IGSF9B: variants seen among roughly 807,000 people sequenced by gnomAD.
IGSF9B encodes the protein protein turtle homolog B.
Under a neutral mutation model 143.7 loss-of-function variants are expected in IGSF9B, and 48 were observed. That is an observed-to-expected ratio of 0.33 (90% CI 0.26 to 0.42). The LOEUF (loss-of-function observed/expected upper bound fraction) is 0.42, where lower values mean the gene tolerates loss of function less well. Among genes scored for constraint, IGSF9B ranks in the 20% least tolerant of loss-of-function variants. IGSF9B has a pLI of 1.00. For missense variants in IGSF9B, 1,706 were observed against 1,980.0 expected (o/e 0.86, Z 2.63); for synonymous variants, 903 against 833.1 (o/e 1.08, Z -1.44).
At position 133,931,500 on chromosome 11, in the gene IGSF9B, G is replaced by C; in HGVS notation, c.1321C>G (p.Pro441Ala). 1 of 1,613,266 alleles carries C rather than the reference G, an allele frequency of 6.2e-7. No homozygotes were observed. Among genetic ancestry groups the C allele is most frequent in the Non-Finnish European group, 8.5e-7 (1 of 1,179,834 alleles). ...AAGGGGTCCCCTGCGGCAGCACAGGGGATAAGTAGCTCCCGGCCGGCCTCC... is the reference window on the plus strand; with the variant it reads ...AAGGGGTCCCCTGCGGCAGCACAGGCGATAAGTAGCTCCCGGCCGGCCTCC... ...RQEAGRELLI[P>A]CAAAGDPFPV... is the part of the protein sequence containing the mutation. The change falls in exon 10 of 20, where the codon CCC becomes GCC. Residue 441 changes from proline (P) to alanine (A), a missense_variant. This residue lies in a region of IGSF9B where 238 missense variants were observed against 452.6 expected (regional missense o/e 0.53). Transcript: ENST00000533871. This position sits in a 1 kb window ranked among gnomAD's most constrained non-coding sequence, Gnocchi z 7.7.
intron 1 of IGSF9B, among the ~76,000 whole-genome samples, chr11:133,954,924 C>T (rs965824789): frequency 2.6e-5 from 4 of 152,328 alleles, no homozygotes; most frequent in Admixed American, 2.6e-4. Flanking sequence ...GAAGCCCTTC[C>T]TTCTATCTTG....
chr11:133,936,235 G>T, intron 5 of IGSF9B, 41 bp from the exon 6 acceptor site: 1 of 1,583,136 alleles, frequency 6.3e-7, no homozygotes, highest in Non-Finnish European at 8.6e-7. Context: ...GCCTGATCAG[G>T]GACGGCAGCA....
chr11:133,924,794 G>A (rs1449893360), intron 15 of IGSF9B, 26 bp downstream of exon 15: 2 of 1,594,546 alleles, frequency 1.3e-6, no homozygotes, highest in Non-Finnish European at 1.7e-6. Flanking sequence ...CCCTATAGTT[G>A]CAAGAGCACC....
At position 133,921,374 on chromosome 11, in the gene IGSF9B, G is replaced by A; in HGVS notation, c.2351C>T (p.Pro784Leu). 5 of 1,537,262 alleles carry A rather than the reference G, an allele frequency of 3.3e-6. No homozygotes were observed. Among genetic ancestry groups the A allele is most frequent in the African/African-American group, 2.7e-5 (2 of 72,974 alleles). The change falls in exon 18 of 20, where the codon CCC becomes CTC. Residue 784 changes from proline to leucine, a missense_variant. Around this residue, in one of 7 missense-constraint regions of IGSF9B, gnomAD observed 135 missense variants for 181.3 expected, o/e 0.74. Transcript: ENST00000533871. ...ESPLSSGKVS[P>L]ESIRTLRAPS... ...CGCTCGGAGCGTGCGGATGCTCTCG[G>A]GGCTCACCTTGCCAGAGGACAAGCT...
At chr11:133,924,774 G>A in intron 15 of IGSF9B, 46 bp downstream of exon 15, 1 of 1,492,016 alleles carries the variant, frequency 6.7e-7, no homozygotes, top group Non-Finnish European at 9.3e-7. Context: ...TGCAGCTCTG[G>A]GGCTTATGTC....
At chr11:133,932,356 A>G (rs985461870) in intron 7 of IGSF9B, 143 bp from the exon 8 acceptor site, 23 of 846,230 alleles carry the variant, frequency 2.7e-5, no homozygotes, top group African/African-American at 2.0e-4. Flanking sequence ...AGACAGACAC[A>G]GGGACAGACA....
chr11:133,927,197 G>C (rs1051692607), intron 12 of IGSF9B, 106 bp from the exon 13 acceptor site: 1 of 882,992 alleles, frequency 1.1e-6, no homozygotes, highest in Non-Finnish European at 1.7e-6. Context: ...TGGTGGGCCT[G>C]GCGTTCCTAG....
In IGSF9B at chr11:133,897,675, T is replaced by G. The variant is rs1939042850; in HGVS notation, c.*11394A>C. The stretch of plus-strand genomic sequence containing the variant: ...GCACCGATTTCATGTTCTTATAGTT[T>G]GATTTCTAAGTCATCTTTTAGAAGA... On this transcript the variant is annotated 3_prime_UTR_variant, in exon 20 of 20. Transcript: ENST00000533871. 6.6e-6 allele frequency: 1 copy of G among 152,214 alleles called. No individual in the cohort carries two copies. The highest frequency in any genetic ancestry group is 2.4e-5 in the African/African-American group (1 of 41,448). The allele number at this position is 152,214 out of a possible 1,614,324, so 9.4% of individuals were successfully genotyped here.
chr11:133,918,078 G>A (rs1420479346), intron 18 of IGSF9B, among the ~76,000 whole-genome samples: 1 of 151,842 alleles, frequency 6.6e-6, no homozygotes, highest in Admixed American at 6.5e-5. Context: ...GCAGCTAGGC[G>A]GTGCCGAGCG....
At chr11:133,951,371 C>A (rs1940156033) in intron 1 of IGSF9B, among the ~76,000 whole-genome samples, 1 of 152,214 alleles carries the variant, frequency 6.6e-6, no homozygotes, top group Non-Finnish European at 1.5e-5. Context: ...CCCCACGCGC[C>A]ACCAAACCTC....
intron 12 of IGSF9B, among the ~76,000 whole-genome samples, chr11:133,929,395 C>A (rs571369179): frequency 6.6e-6 from 1 of 152,180 alleles, no homozygotes; most frequent in Non-Finnish European, 1.5e-5. Flanking sequence ...TGAAGCAGGA[C>A]GCAAAACGAG....
At position 133,909,169 on chromosome 11, in the gene IGSF9B, G is replaced by A; in HGVS notation, c.4214C>T (p.Ala1405Val). ...KKRHSRPDPFARLSDLCHRQL... is the reference protein window; with the variant it reads ...KKRHSRPDPFVRLSDLCHRQL... Reference sequence around the variant, plus strand: ...GCGGTGGCACAAGTCTGAGAGCCGGGCAAAGGGGTCAGGACGAGAATGTCT... The same window carrying A: ...GCGGTGGCACAAGTCTGAGAGCCGGACAAAGGGGTCAGGACGAGAATGTCT... Residue 1405 changes from alanine to valine, a missense_variant, in exon 20 of 20, where the codon GCC becomes GTC. This residue lies in a region of IGSF9B where 880 missense variants were observed against 762.9 expected (regional missense o/e 1.15). Transcript: ENST00000533871. The surrounding 1 kb of genome is among the most constrained non-coding windows in gnomAD (Gnocchi z 4.2). 6.5e-7 allele frequency: 1 copy of A among 1,535,930 alleles called. No individual in the cohort carries two copies. The highest frequency in any genetic ancestry group is 8.7e-7 in the Non-Finnish European group (1 of 1,146,750).
chr11:133,942,899 C>T (rs1163856535), intron 3 of IGSF9B, among the ~76,000 whole-genome samples: 1 of 152,142 alleles, frequency 6.6e-6, no homozygotes, highest in Non-Finnish European at 1.5e-5. Flanking sequence ...CTGGGCTAGG[C>T]AGGCTGGACC....
chr11:133,947,708 T>TTCGTTCTC (rs1555098680), intron 1 of IGSF9B, among the ~76,000 whole-genome samples: 2 of 134,800 alleles, frequency 1.5e-5, no homozygotes, highest in East Asian at 4.4e-4. Flanking sequence ...TCTGTGTTTG[T>TTCGTTCTC]TCTCTCTCTC....
chr11:133,919,722 G>A lies in IGSF9B; in HGVS notation c.3983+20C>T, dbSNP rs763045697. On this transcript the variant is annotated intron_variant, in intron 18 of 19. Transcript: ENST00000533871. Reference sequence around the variant, plus strand: ...AGGAAGTTGCCCAGGTGCGGGTGGCGGAAGAGGCGGCGCACTCACCCTGAA... The same window carrying A: ...AGGAAGTTGCCCAGGTGCGGGTGGCAGAAGAGGCGGCGCACTCACCCTGAA... 5.9e-5 allele frequency: 81 copies of A among 1,362,360 alleles called. No individual in the cohort carries two copies. Among genetic ancestry groups the A allele is most frequent in the African/African-American group, 7.4e-5 (5 of 67,646 alleles). 84.4% of individuals were successfully genotyped at this position (1,362,360 alleles called of 1,614,324 possible).
In IGSF9B at chr11:133,951,152, C is replaced by T. The variant is rs1355142838; in HGVS notation, c.65-4894G>A. 3.9e-5 allele frequency among the ~76,000 whole-genome samples: 6 copies of T among 152,108 alleles called. 1 individual carries two copies. The highest frequency in any genetic ancestry group is 6.3e-3 in the Middle Eastern group (2 of 316). On this transcript the variant is annotated intron_variant, in intron 1 of 19. Coordinates refer to ENST00000533871, the MANE Select transcript of IGSF9B (RefSeq NM_001277285.4). ...GAGGAAGGCGGGACCCAAAGCACAG[C>T]GAACACCCAGAAAGGACGAGGCGGC...
At chr11:133,919,234 G>A (rs561099249) in intron 18 of IGSF9B, 2 of 357,482 alleles carry the variant, frequency 5.6e-6, no homozygotes, top group South Asian at 4.1e-5. Flanking sequence ...GGGCTGCTAA[G>A]GGCCAGGAGT....
Position 133,904,387 on chromosome 11 carries a change from A to T in IGSF9B, c.*4682T>A, listed in dbSNP as rs1010455053. Among the ~76,000 whole-genome samples the T allele has an allele frequency of 1.3e-5, 2 of 152,212 alleles. No homozygotes were observed. Among genetic ancestry groups the T allele is most frequent in the African/African-American group, 4.8e-5 (2 of 41,454 alleles). Reference sequence around the variant, plus strand: ...AGCCCCCAAAACAAATGAAGTTGAAATACAATATAAAGAAGATGTCCATGT... The same window carrying T: ...AGCCCCCAAAACAAATGAAGTTGAATTACAATATAAAGAAGATGTCCATGT... On this transcript the variant is annotated 3_prime_UTR_variant, in exon 20 of 20. Transcript: ENST00000533871.
rs1421417579 is a variant in IGSF9B, at chr11:133,920,030, G to C, written c.3695C>G (p.Ala1232Gly). ...ARPRPGLLQQ[A>G]EMSEITLQPP... ...CTGCAGGGTGATCTCTGACATCTCT[G>C]CCTGCTGCAGGAGGCCCGGGCGAGG... The change falls in exon 18 of 20, where the codon GCA becomes GGA. Residue 1232 changes from alanine (A) to glycine (G), a missense_variant. Physicochemically the swap from Ala to Gly is moderately conservative, Grantham distance 60. Transcript: ENST00000533871. The C allele has an allele frequency of 6.3e-7, 1 of 1,580,530 alleles. No individual in the cohort carries two copies. The highest frequency in any genetic ancestry group is 8.6e-7 in the Non-Finnish European group (1 of 1,163,744).
Sources: allele counts gnomAD v4.1 joint callset (sites outside exome capture counted in the v4.1 genomes callset), GRCh38; gene constraint gnomAD v4.1.1; regional missense constraint gnomAD v4.1.1; non-coding constraint Gnocchi (gnomAD v3.1); transcripts MANE v1.5; gene names NCBI Gene and HGNC (gene_info 2026-07-23, HGNC 2026-07-21).